The following HERC1 variants were observed in gnomAD, a reference collection of about 807,000 sequenced individuals.
HERC1 encodes the protein HECT and RLD domain containing E3 ubiquitin protein ligase family member 1, also known as probable E3 ubiquitin-protein ligase HERC1.
Under a neutral mutation model 554.3 loss-of-function variants are expected in HERC1, and 160 were observed. The observed-to-expected ratio is 0.29, with a 90% CI of 0.25 to 0.33. The LOEUF is 0.33. HERC1 is among the 10% of genes least tolerant of loss of function. The probability of loss-of-function intolerance (pLI) is 1.00; values close to 1 mark genes in which losing one functional copy is unlikely to be tolerated. For synonymous variants in HERC1, 2,175 were observed against 2,131.7 expected (o/e 1.02, Z -0.56); for missense variants, 4,919 against 5,918.5 (o/e 0.83, Z 5.54).
chr15:63,784,114 C>A lies in HERC1; in HGVS notation c.-26-8465G>T, dbSNP rs114578108. The stretch of plus-strand genomic sequence containing the variant: ...TCATGCTCATACTCATAAAAATGAG[C>A]AAATTTCCAAAGGTTTCATGGATGT... On this transcript the variant is annotated intron_variant, in intron 1 of 77. Coordinates refer to ENST00000443617, the MANE Select transcript of HERC1 (RefSeq NM_003922.4). 9.4e-3 allele frequency among the ~76,000 whole-genome samples: 1,427 copies of A among 151,014 alleles called. 27 individuals carry two copies. Among genetic ancestry groups the A allele is most frequent in the African/African-American group, 0.033 (1,372 of 41,176 alleles).
Position 63,729,387 on chromosome 15 carries a change from C to G in HERC1, c.3022-19G>C. 4 of 1,590,292 alleles carry G rather than the reference C, an allele frequency of 2.5e-6. No homozygotes were observed. The highest frequency in any genetic ancestry group is 3.4e-6 in the Non-Finnish European group (4 of 1,171,640). ...TTGAGTTCTAAGAAGAAAAAAAGTT[C>G]CTAAATTACTACTTTGAAAGATTCA... On this transcript the variant is annotated intron_variant, in intron 15 of 77. Transcript: ENST00000443617.
chr15:63,630,888 G>A (rs976882771), intron 68 of HERC1, among the ~76,000 whole-genome samples: 11 of 152,274 alleles, frequency 7.2e-5, no homozygotes, highest in East Asian at 1.9e-4. Flanking sequence ...ATCTAAACTC[G>A]GTAACTTGTT....
intron 26 of HERC1, 29 bp from the exon 27 acceptor site, chr15:63,696,368 CT>C: frequency 6.7e-7 from 1 of 1,495,228 alleles, no homozygotes; most frequent in Non-Finnish European, 9.2e-7. Flanking sequence ...TTTTAGAGTT[CT>C]TCACTTAACT....
At chr15:63,656,478 C>T (rs2070043427) in intron 48 of HERC1, 120 bp from the exon 49 acceptor site, 2 of 878,922 alleles carry the variant, frequency 2.3e-6, no homozygotes, top group Non-Finnish European at 3.5e-6. Context: ...GCTGCACTAT[C>T]ATTAGCCATA....
At chr15:63,720,568 G>A (rs1442678988) in intron 19 of HERC1, among the ~76,000 whole-genome samples, 2 of 151,928 alleles carry the variant, frequency 1.3e-5, no homozygotes, top group Non-Finnish European at 2.9e-5. Flanking sequence ...ATTTCAGTAT[G>A]CCTAAGTCAG....
chr15:63,737,623 G>A (rs551397163), intron 12 of HERC1, among the ~76,000 whole-genome samples: 1,675 of 144,374 alleles, frequency 0.012, 28 homozygotes, highest in African/African-American at 0.038. Context: ...CAGGTGGTCC[G>A]CCCGCCTCGG....
chr15:63,817,777 T>G (rs1174534353), intron 1 of HERC1, among the ~76,000 whole-genome samples: 1 of 152,114 alleles, frequency 6.6e-6, no homozygotes, highest in Admixed American at 6.5e-5. Context: ...GAAATATAGA[T>G]GAAACAAGAC....
At chr15:63,794,990 T>C (rs747139588) in intron 1 of HERC1, among the ~76,000 whole-genome samples, 1 of 134,974 alleles carries the variant, frequency 7.4e-6, no homozygotes, top group Non-Finnish European at 1.5e-5. Flanking sequence ...TGTTTGAACC[T>C]GGGAGGCGGG....
chr15:63,611,111 C>T (rs2067568798), intron 77 of HERC1, among the ~76,000 whole-genome samples: 1 of 152,142 alleles, frequency 6.6e-6, no homozygotes, highest in Non-Finnish European at 1.5e-5. Context: ...GAAGGACTTA[C>T]TAAAGCAGAG....
intron 1 of HERC1, among the ~76,000 whole-genome samples, chr15:63,809,351 A>G (rs2077229963): frequency 6.6e-6 from 1 of 152,232 alleles, no homozygotes; most frequent in South Asian, 2.1e-4. Context: ...CTGACTTACC[A>G]CTACAAACAA....
At chr15:63,655,618 C>G (rs2069988885) in intron 50 of HERC1, 124 bp downstream of exon 50, 2 of 677,098 alleles carry the variant, frequency 3.0e-6, no homozygotes, top group Middle Eastern at 4.1e-4. Flanking sequence ...CTATGCACTT[C>G]TTTTATGTTC....
chr15:63,749,706 G>A lies in HERC1; in HGVS notation c.1988C>T (p.Ala663Val). 1 of 1,588,876 alleles carries A rather than the reference G, an allele frequency of 6.3e-7. No homozygotes were observed. The highest frequency in any genetic ancestry group is 8.6e-7 in the Non-Finnish European group (1 of 1,166,790). The change falls in exon 9 of 78, where the codon GCT becomes GTT. Residue 663 changes from alanine (A) to valine (V), a missense_variant. By Grantham distance (64) the Ala-to-Val change is moderately conservative. This residue lies in a region of HERC1 where 744 missense variants were observed against 1,090.0 expected (regional missense o/e 0.68). Coordinates refer to ENST00000443617, the MANE Select transcript of HERC1 (RefSeq NM_003922.4). This position sits in a 1 kb window ranked among gnomAD's most constrained non-coding sequence, Gnocchi z 4.1. ...AGAAACATCAACTATTCTTGTGGCAGCCAGTTCTTCAATAAGCTTGGGTCT... is the reference window on the plus strand; with the variant it reads ...AGAAACATCAACTATTCTTGTGGCAACCAGTTCTTCAATAAGCTTGGGTCT... ...ALRPKLIEEL[A>V]ATRIVDVSIG...
chr15:63,661,803 C>T lies in HERC1; in HGVS notation c.9120G>A (p.Arg3040=). ...NPYYLLCGTC[R]EKYLAMKTKS... Reference sequence around the variant, plus strand: ...TGGTCTTCATGGCTAAGTACTTCTCCCTGCAGGTGCCACATAACAGGTAGT... The same window carrying T: ...TGGTCTTCATGGCTAAGTACTTCTCTCTGCAGGTGCCACATAACAGGTAGT... The change falls in exon 45 of 78, where the codon AGG becomes AGA. Residue 3040 remains arginine (R), a synonymous_variant. Transcript: ENST00000443617. The T allele has an allele frequency of 6.2e-7, 1 of 1,613,966 alleles. No homozygotes were observed. Among genetic ancestry groups the T allele is most frequent in the Non-Finnish European group, 8.5e-7 (1 of 1,179,876 alleles).
At chr15:63,631,636 T>A (rs937979026) in intron 68 of HERC1, among the ~76,000 whole-genome samples, 1 of 152,104 alleles carries the variant, frequency 6.6e-6, no homozygotes, top group African/African-American at 2.4e-5. Context: ...GCCTTCCAGG[T>A]TCAAGCAATT....
intron 1 of HERC1, among the ~76,000 whole-genome samples, chr15:63,824,990 GA>G (rs2077841274): frequency 6.6e-6 from 1 of 151,920 alleles, no homozygotes; most frequent in Non-Finnish European, 1.5e-5. Flanking sequence ...TATGTAGGAT[GA>G]ATAAATCTAG....
chr15:63,653,241 G>C (rs1183062820), intron 51 of HERC1, among the ~76,000 whole-genome samples: 3 of 152,074 alleles, frequency 2.0e-5, no homozygotes, highest in African/African-American at 7.2e-5. Context: ...AGGAGTTTGA[G>C]ACCAGCCTGG....
At position 63,826,805 on chromosome 15, in the gene HERC1, AAAAAAAAAAAT is replaced by A. The variant is rs1387959942; in HGVS notation, c.-27+7011_-27+7021del. Among the ~76,000 whole-genome samples the A allele has an allele frequency of 1.1e-4, 8 of 73,576 alleles. No homozygotes were observed. In the East Asian group the frequency reaches 1.5e-3, roughly 14 times the overall value. 48.3% of individuals were successfully genotyped at this position (73,576 alleles called of 152,430 possible). ...CTGGTAAAAAAAAAAAAAAAAAAAA[AAAAAAAAAAAT>A]ATATATATATATATATATATATATA... On this transcript the variant is annotated intron_variant, in intron 1 of 77. Transcript: ENST00000443617.
chr15:63,791,873 G>C (rs1043224398), intron 1 of HERC1, among the ~76,000 whole-genome samples: 7 of 152,128 alleles, frequency 4.6e-5, no homozygotes, highest in Non-Finnish European at 1.0e-4. Context: ...ATAATTATCT[G>C]TTGGCAGTAA....
chr15:63,724,503 GT>G (rs774190298), intron 18 of HERC1, among the ~76,000 whole-genome samples: 1 of 152,072 alleles, frequency 6.6e-6, no homozygotes, highest in Non-Finnish European at 1.5e-5. Context: ...TTCTCATTTT[GT>G]TTTGTTTTTT....
Sources: allele counts gnomAD v4.1 joint callset (sites outside exome capture counted in the v4.1 genomes callset), GRCh38; gene constraint gnomAD v4.1.1; regional missense constraint gnomAD v4.1.1; non-coding constraint Gnocchi (gnomAD v3.1); transcripts MANE v1.5; gene names NCBI Gene and HGNC (gene_info 2026-07-23, HGNC 2026-07-21).